The following SLC25A40 variants were observed in gnomAD, a reference collection of about 807,000 sequenced individuals.
SLC25A40 encodes mitochondrial glutathione transporter SLC25A40.
Under a neutral mutation model 46.5 loss-of-function variants are expected in SLC25A40, and 41 were observed. The ratio of observed to expected loss-of-function variants is 0.88; its 90% CI spans 0.69 to 1.14. The LOEUF is 1.14. SLC25A40 is among the 50% of genes most tolerant of loss of function. The probability of loss-of-function intolerance (pLI) is 0.00; values close to 1 mark genes in which losing one functional copy is unlikely to be tolerated. For synonymous variants in SLC25A40, 126 were observed against 127.5 expected (o/e 0.99, Z 0.08); for missense variants, 386 against 393.6 (o/e 0.98, Z 0.16).
intron 1 of SLC25A40, among the ~76,000 whole-genome samples, chr7:87,871,966 T>C (rs1838902114): frequency 6.6e-6 from 1 of 152,240 alleles, no homozygotes; most frequent in Non-Finnish European, 1.5e-5. Context: ...AGGTTGTTCA[T>C]AATATTACTT....
At chr7:87,866,853 C>G (rs1838809899) in intron 1 of SLC25A40, among the ~76,000 whole-genome samples, 1 of 152,252 alleles carries the variant, frequency 6.6e-6, no homozygotes, top group African/African-American at 2.4e-5. Context: ...ACTGATTAAT[C>G]CTTTTCCTCA....
chr7:87,857,289 T>C (rs566351373), intron 3 of SLC25A40, among the ~76,000 whole-genome samples: 12 of 152,326 alleles, frequency 7.9e-5, no homozygotes, highest in African/African-American at 2.6e-4. Flanking sequence ...ATTATAGACA[T>C]GGGGAATCAG....
chr7:87,842,477 C>T (rs1045390743), intron 9 of SLC25A40, among the ~76,000 whole-genome samples: 1 of 151,932 alleles, frequency 6.6e-6, no homozygotes, highest in Admixed American at 6.6e-5. Flanking sequence ...CCAATATGGT[C>T]ATAAAATGTC....
chr7:87,843,693 T>A (rs980624958), intron 9 of SLC25A40, 61 bp downstream of exon 9: 1 of 1,277,602 alleles, frequency 7.8e-7, no homozygotes, highest in African/African-American at 1.5e-5. Flanking sequence ...TGCTATATTT[T>A]GTTTTGTTTT....
At chr7:87,850,263 G>A (rs1838487890) in intron 5 of SLC25A40, among the ~76,000 whole-genome samples, 1 of 152,220 alleles carries the variant, frequency 6.6e-6, no homozygotes, top group South Asian at 2.1e-4. Context: ...GCAGAGAACT[G>A]GTTAAACTTG....
rs2130994629 is a variant in SLC25A40, at chr7:87,838,570, T to C, written c.824-1760A>G. 2.0e-5 allele frequency among the ~76,000 whole-genome samples: 3 copies of C among 151,680 alleles called. 1 individual carries two copies. In the South Asian group the frequency reaches 6.2e-4, roughly 32 times the overall value. On this transcript the variant is annotated intron_variant, in intron 10 of 11. Coordinates refer to ENST00000341119, the MANE Select transcript of SLC25A40 (RefSeq NM_018843.4). The stretch of plus-strand genomic sequence containing the variant: ...TTACTGAATATCCAAATTTATTATA[T>C]CATAATACCTCTATTTTTCAGATCC...
chr7:87,843,707 A>T (rs184621791), intron 9 of SLC25A40, 47 bp downstream of exon 9: 2 of 1,443,498 alleles, frequency 1.4e-6, no homozygotes. Flanking sequence ...TTGTTTTAAT[A>T]CAACAATTAT....
chr7:87,864,758 C>T (rs1003811636), intron 1 of SLC25A40, among the ~76,000 whole-genome samples: 4 of 152,022 alleles, frequency 2.6e-5, no homozygotes, highest in Non-Finnish European at 5.9e-5. Context: ...TTTTCTTAAT[C>T]CATTTAGCCA....
intron 4 of SLC25A40, 101 bp from the exon 5 acceptor site, chr7:87,854,411 C>T (rs182668082): frequency 5.3e-5 from 36 of 674,792 alleles, no homozygotes; most frequent in African/African-American, 9.2e-5. Context: ...TAGAAAATTA[C>T]GAAAAGAGAA....
chr7:87,869,434 T>C (rs968941199), intron 1 of SLC25A40, among the ~76,000 whole-genome samples: 1 of 151,756 alleles, frequency 6.6e-6, no homozygotes, highest in Middle Eastern at 3.4e-3. Context: ...GGTGCTGAGA[T>C]GGGAGGATCA....
In SLC25A40 at chr7:87,865,507, A is replaced by G. The variant is rs2131019355; in HGVS notation, c.-93-4867T>C. On this transcript the variant is annotated intron_variant, in intron 1 of 11. Transcript: ENST00000341119. ...CTTGGGAGGCCAGGTACAGTGGCTG[A>G]GGCCTATAATCCCAGCACTTTGGGA... Among the ~76,000 whole-genome samples the G allele has an allele frequency of 1.3e-5, 2 of 152,360 alleles. 1 individual carries two copies. Among genetic ancestry groups the G allele is most frequent in the South Asian group, 4.1e-4 (2 of 4,832 alleles).
rs758024721 is a variant in SLC25A40, at chr7:87,854,217, A to G, written c.251T>C (p.Phe84Ser). Residue 84 changes from phenylalanine (F) to serine (S), a missense_variant, in exon 5 of 12, where the codon TTC becomes TCC. By Grantham distance (155) the Phe-to-Ser change is radical. Transcript: ENST00000341119. ...TAATCACCTTACCAATGTTCCCTGG[A>G]AATTTCCTGGCTTCTTATACCATAG... is the stretch of plus-strand genomic sequence containing the variant. ...NKLWYKKPGNFQGTLDAFFKI... is the reference protein window; with the variant it reads ...NKLWYKKPGNSQGTLDAFFKI... 4 of 1,609,638 alleles carry G rather than the reference A, an allele frequency of 2.5e-6. No individual in the cohort carries two copies. In the Admixed American group the frequency reaches 6.7e-5, roughly 27 times the overall value.
chr7:87,852,635 G>A (rs1838534645), intron 5 of SLC25A40, among the ~76,000 whole-genome samples: 1 of 152,108 alleles, frequency 6.6e-6, no homozygotes, highest in African/African-American at 2.4e-5. Context: ...AAGACTTACA[G>A]GTGCAATAAT....
intron 3 of SLC25A40, among the ~76,000 whole-genome samples, chr7:87,858,208 C>A (rs771308289): frequency 2.6e-5 from 4 of 152,208 alleles, no homozygotes; most frequent in African/African-American, 4.8e-5. Flanking sequence ...TGAACATAGA[C>A]CCTTATCAGT....
chr7:87,853,099 T>C (rs1838544582), intron 5 of SLC25A40, among the ~76,000 whole-genome samples: 1 of 152,114 alleles, frequency 6.6e-6, no homozygotes, highest in Non-Finnish European at 1.5e-5. Flanking sequence ...TTCAACAAAA[T>C]ACTAGTATCT....
At chr7:87,853,262 A>C (rs1267785945) in intron 5 of SLC25A40, among the ~76,000 whole-genome samples, 2 of 152,234 alleles carry the variant, frequency 1.3e-5, no homozygotes, top group Non-Finnish European at 2.9e-5. Context: ...AATGCAAATT[A>C]AAACCACAGT....
intron 1 of SLC25A40, among the ~76,000 whole-genome samples, chr7:87,863,607 CAT>C (rs1156626257): frequency 4.0e-5 from 6 of 150,830 alleles, no homozygotes; most frequent in African/African-American, 9.8e-5. Flanking sequence ...ACTAGATGTA[CAT>C]GTTTTGGGGG....
chr7:87,858,003 A>G (rs1302917555), intron 3 of SLC25A40, among the ~76,000 whole-genome samples: 1 of 152,182 alleles, frequency 6.6e-6, no homozygotes, highest in East Asian at 1.9e-4. Flanking sequence ...GGAGGTCTAT[A>G]CATGGCCACT....
chr7:87,849,813 A>G, intron 6 of SLC25A40, 68 bp downstream of exon 6: 1 of 1,170,992 alleles, frequency 8.5e-7, no homozygotes, highest in Non-Finnish European at 1.2e-6. Flanking sequence ...GACTTTGTCC[A>G]ACCATGCTGA....
Sources: allele counts gnomAD v4.1 joint callset (sites outside exome capture counted in the v4.1 genomes callset), GRCh38; gene constraint gnomAD v4.1.1; transcripts MANE v1.5; gene names NCBI Gene and HGNC (gene_info 2026-07-23, HGNC 2026-07-21).